Variants in KCNIP1 observed in about 807,000 individuals in gnomAD.
KCNIP1 encodes the protein potassium voltage-gated channel interacting protein 1, also known as A-type potassium channel modulatory protein KCNIP1.
Under a neutral mutation model 33.0 loss-of-function variants are expected in KCNIP1, and 18 were observed. The ratio of observed to expected loss-of-function variants is 0.55; its 90% CI spans 0.38 to 0.81. The LOEUF (loss-of-function observed/expected upper bound fraction) is 0.81. Among genes scored for constraint, KCNIP1 ranks in the 30% least tolerant of loss-of-function variants. The pLI, the probability that KCNIP1 is intolerant of heterozygous loss-of-function variation, is 0.00. For synonymous variants in KCNIP1, 93 were observed against 98.3 expected (o/e 0.95, Z 0.32); for missense variants, 238 against 271.6 (o/e 0.88, Z 0.87).
rs371683939 is a variant in KCNIP1, at chr5:170,511,421, C to A, written c.61+6788C>A. Among the ~76,000 whole-genome samples the A allele has an allele frequency of 2.0e-5, 3 of 152,328 alleles. No homozygotes were observed. In the East Asian group the frequency reaches 5.8e-4, roughly 29 times the overall value. On this transcript the variant is annotated intron_variant, in intron 1 of 7. Coordinates refer to ENST00000328939, the MANE Select transcript of KCNIP1 (RefSeq NM_014592.4). The stretch of plus-strand genomic sequence containing the variant: ...GTGTTACCCTTGGTAATCTCCCCAT[C>A]CCTTTGAGCTGTGGCCTCTGATTCC...
intron 1 of KCNIP1, among the ~76,000 whole-genome samples, chr5:170,447,165 C>T (rs373455331): frequency 2.0e-5 from 3 of 152,150 alleles, no homozygotes; most frequent in East Asian, 3.9e-4. Flanking sequence ...ATGTCTTGTA[C>T]ATCTGCTGTA....
chr5:170,535,818 A>T (rs555005937), intron 1 of KCNIP1, among the ~76,000 whole-genome samples: 52 of 152,220 alleles, frequency 3.4e-4, no homozygotes, highest in Non-Finnish European at 6.9e-4. Context: ...GCTCATCTCC[A>T]GACCAGATAA....
intron 1 of KCNIP1, among the ~76,000 whole-genome samples, chr5:170,494,658 C>T (rs1477005881): frequency 1.3e-5 from 2 of 152,312 alleles, no homozygotes; most frequent in Admixed American, 6.5e-5. Context: ...GACCAAAGCT[C>T]TTCACAGCCA....
chr5:170,695,083 A>C (rs1177623118), intron 1 of KCNIP1, among the ~76,000 whole-genome samples: 1 of 152,172 alleles, frequency 6.6e-6, no homozygotes, highest in African/African-American at 2.4e-5. Flanking sequence ...CCCACTTCAC[A>C]GCATGGTTCC....
chr5:170,486,355 C>T (rs1488709872), intron 1 of KCNIP1: 1 of 152,240 alleles, frequency 6.6e-6, no homozygotes, highest in Admixed American at 6.5e-5. Context: ...GCCTCTACTC[C>T]CCATTTTCCC....
At chr5:170,600,687 A>G (rs894996158) in intron 1 of KCNIP1, among the ~76,000 whole-genome samples, 2 of 152,170 alleles carry the variant, frequency 1.3e-5, no homozygotes, top group Admixed American at 6.5e-5. Flanking sequence ...TGGTCCCTGC[A>G]TTCAGTAGGC....
intron 1 of KCNIP1, among the ~76,000 whole-genome samples, chr5:170,387,220 A>C (rs1214948499): frequency 1.3e-5 from 2 of 152,196 alleles, no homozygotes; most frequent in Non-Finnish European, 2.9e-5. Flanking sequence ...GCCAGATATC[A>C]GGGGGACTTT....
rs1039035293 is a variant in KCNIP1, at chr5:170,528,698, C to G, written c.61+24065C>G. The stretch of plus-strand genomic sequence containing the variant: ...CTGTTCATAGACAGGAAATCTGTGG[C>G]CTATTCTGGGACCTCAAAGTGCCAC... On this transcript the variant is annotated intron_variant, in intron 1 of 7. Transcript: ENST00000328939. Among the ~76,000 whole-genome samples the G allele has an allele frequency of 2.0e-5, 3 of 152,146 alleles. No individual in the cohort carries two copies. In the South Asian group the frequency reaches 6.2e-4, roughly 32 times the overall value.
chr5:170,625,407 C>T (rs900000931), intron 1 of KCNIP1, among the ~76,000 whole-genome samples: 1 of 152,206 alleles, frequency 6.6e-6, no homozygotes, highest in African/African-American at 2.4e-5. Context: ...CTCAGGACCC[C>T]TGGCTGCGGC....
At chr5:170,602,790 T>C (rs963562812) in intron 1 of KCNIP1, among the ~76,000 whole-genome samples, 4 of 152,134 alleles carry the variant, frequency 2.6e-5, no homozygotes, top group African/African-American at 4.8e-5. Flanking sequence ...AGGGGCCAGA[T>C]GAAAAAACCA....
chr5:170,498,978 T>A (rs1484502478), intron 1 of KCNIP1, among the ~76,000 whole-genome samples: 1 of 152,102 alleles, frequency 6.6e-6, no homozygotes, highest in Non-Finnish European at 1.5e-5. Flanking sequence ...TGTAGCACAC[T>A]TAGGATGTTC....
intron 1 of KCNIP1, among the ~76,000 whole-genome samples, chr5:170,590,198 C>T (rs929236188): frequency 3.3e-5 from 5 of 152,104 alleles, no homozygotes; most frequent in African/African-American, 4.8e-5. Flanking sequence ...GGGAGTTTTA[C>T]ACTTCCCAGG....
chr5:170,447,527 T>A (rs1001993453), intron 1 of KCNIP1, among the ~76,000 whole-genome samples: 1 of 152,064 alleles, frequency 6.6e-6, no homozygotes, highest in African/African-American at 2.4e-5. Context: ...ACCCCGTTTG[T>A]GAAGGGGGTG....
intron 1 of KCNIP1, among the ~76,000 whole-genome samples, chr5:170,457,607 C>G (rs1193701524): frequency 3.3e-5 from 5 of 152,172 alleles, no homozygotes; most frequent in Non-Finnish European, 7.4e-5. Flanking sequence ...ATCACTACAG[C>G]TCGGCTCTCA....
At chr5:170,608,585 A>G (rs1759023216) in intron 1 of KCNIP1, among the ~76,000 whole-genome samples, 1 of 152,142 alleles carries the variant, frequency 6.6e-6, no homozygotes, top group African/African-American at 2.4e-5. Context: ...CAGCCTGGCC[A>G]ACATGGTAAA....
At chr5:170,472,242 G>C (rs1218219242) in intron 1 of KCNIP1, among the ~76,000 whole-genome samples, 2 of 152,170 alleles carry the variant, frequency 1.3e-5, no homozygotes, top group African/African-American at 4.8e-5. Context: ...ACCAGACAGA[G>C]CCACTGTGAG....
chr5:170,487,345 A>T (rs1017033966), intron 1 of KCNIP1, among the ~76,000 whole-genome samples: 9 of 152,202 alleles, frequency 5.9e-5, no homozygotes, highest in Non-Finnish European at 1.2e-4. Flanking sequence ...CCTTCACAGC[A>T]ACATCTAGAC....
chr5:170,672,069 G>A (rs1312673215), intron 1 of KCNIP1, among the ~76,000 whole-genome samples: 1 of 152,204 alleles, frequency 6.6e-6, no homozygotes, highest in South Asian at 2.1e-4. Flanking sequence ...CTTCTGGAAG[G>A]AAAAGGTATT....
intron 3 of KCNIP1, chr5:170,721,618 AGGGAGGGGCAAGG>A (rs1763827480): frequency 1.2e-6 from 1 of 843,890 alleles, no homozygotes; most frequent in South Asian, 1.6e-5. Context: ...TGATGGCTAG[AGGGAGGGGCAAGG>A]GCTCATCTCA....
Sources: allele counts gnomAD v4.1 joint callset (sites outside exome capture counted in the v4.1 genomes callset), GRCh38; gene constraint gnomAD v4.1.1; transcripts MANE v1.5; gene names NCBI Gene and HGNC (gene_info 2026-07-23, HGNC 2026-07-21).